Variants in NOL4 observed in about 807,000 individuals in gnomAD.
NOL4 encodes the protein cancer/testis antigen 125.
Under a neutral mutation model 75.9 loss-of-function variants are expected in NOL4, and 17 were observed. The observed-to-expected ratio is 0.22, with a 90% confidence interval of 0.15 to 0.34. The LOEUF (loss-of-function observed/expected upper bound fraction) is 0.34, where lower values mean the gene tolerates loss of function less well. Among genes scored for constraint, NOL4 ranks in the 10% least tolerant of loss-of-function variants. NOL4 has a pLI of 1.00. For synonymous variants in NOL4, 292 were observed against 289.9 expected, an observed-to-expected ratio of 1.01 and a Z score of -0.07; for missense variants, 614 against 793.5, an observed-to-expected ratio of 0.77 and a Z score of 2.72.
chr18:34,140,856 C>T (rs1213399405), intron 1 of NOL4, among the ~76,000 whole-genome samples: 3 of 151,926 alleles, frequency 2.0e-5, no homozygotes, highest in Admixed American at 1.3e-4. Context: ...CCTTCAGGAG[C>T]TCTTGTAGGG....
At chr18:34,071,420 T>TAGAC (rs1249111535) in intron 5 of NOL4, among the ~76,000 whole-genome samples, 1,875 of 116,886 alleles carry the variant, frequency 0.016, 39 homozygotes, top group African/African-American at 0.051. Context: ...TATACACAAA[T>TAGAC]AGACAGACAG....
chr18:34,003,882 C>A (rs555617999), intron 6 of NOL4, among the ~76,000 whole-genome samples: 2 of 151,994 alleles, frequency 1.3e-5, no homozygotes, highest in Non-Finnish European at 2.9e-5. Context: ...GGGGGTCAGA[C>A]GTGCCTCATT....
rs2064433939 is a variant in NOL4, at chr18:33,883,401, T to C, written c.1566A>G (p.Lys522=). 1.2e-6 allele frequency: 2 copies of C among 1,609,482 alleles called. No individual in the cohort carries two copies. Among genetic ancestry groups the C allele is most frequent in the East Asian group, 4.5e-5 (2 of 44,760 alleles). Residue 522 remains lysine, a synonymous_variant, in exon 10 of 11, where the codon AAA becomes AAG. Coordinates refer to ENST00000261592, the MANE Select transcript of NOL4 (RefSeq NM_003787.5). ...CCTGGGTCGCCTCTGGTTTACACTG[T>C]TTGTCAGCTGGAGCAGACTCATCCT... The part of the protein sequence containing the change: ...RQQDESAPAD[K]QCKPEATQAT...
At chr18:34,150,054 G>A (rs2081577205) in intron 1 of NOL4, among the ~76,000 whole-genome samples, 1 of 151,378 alleles carries the variant, frequency 6.6e-6, no homozygotes, top group Admixed American at 6.6e-5. Context: ...ACATTTCCCT[G>A]GGCCTTGGTT....
chr18:34,222,524 CTTTA>C (rs762455062), intron 1 of NOL4: 6 of 860,436 alleles, frequency 7.0e-6, no homozygotes, highest in Non-Finnish European at 8.4e-6. Context: ...TACATTCGGG[CTTTA>C]TGCCAATAAG....
At chr18:33,921,853 C>T (rs1000066416) in intron 9 of NOL4, among the ~76,000 whole-genome samples, 3 of 152,272 alleles carry the variant, frequency 2.0e-5, no homozygotes, top group South Asian at 2.1e-4. Context: ...AGCATTCATC[C>T]CCCTTCCCCT....
chr18:34,196,515 A>T (rs1374118324), intron 1 of NOL4, among the ~76,000 whole-genome samples: 1 of 152,192 alleles, frequency 6.6e-6, no homozygotes, highest in East Asian at 1.9e-4. Flanking sequence ...AGTTGACATT[A>T]CTGAGCTATT....
At chr18:34,182,490 C>T (rs1189485403) in intron 1 of NOL4, among the ~76,000 whole-genome samples, 1 of 151,534 alleles carries the variant, frequency 6.6e-6, no homozygotes, top group African/African-American at 2.4e-5. Context: ...GTGATGGTTG[C>T]ACAGCCTTGT....
chr18:34,147,988 C>A (rs2081477643), intron 1 of NOL4, among the ~76,000 whole-genome samples: 1 of 152,068 alleles, frequency 6.6e-6, no homozygotes, highest in Admixed American at 6.6e-5. Flanking sequence ...TCTAGATTTT[C>A]TAGCTTATTT....
chr18:33,856,502 A>G (rs1324525800), intron 10 of NOL4, among the ~76,000 whole-genome samples: 1 of 152,060 alleles, frequency 6.6e-6, no homozygotes, highest in South Asian at 2.1e-4. Flanking sequence ...AAATATTACC[A>G]TGAGTCCTGA....
At position 33,852,886 on chromosome 18, in the gene NOL4, G is replaced by T. The variant is rs960826327; in HGVS notation, c.1873C>A (p.Arg625=). 1.9e-5 allele frequency: 30 copies of T among 1,612,692 alleles called. No homozygotes were observed. Among genetic ancestry groups the T allele is most frequent in the Non-Finnish European group, 2.4e-5 (28 of 1,179,348 alleles). ...GYRESAAFLL[R]SADELENLIL... is the part of the protein sequence containing the mutation. ...AGATTTTCCAGTTCATCTGCAGATCGCAATAAAAATGCAGCTGATTCTCGA... is the reference window on the plus strand; with the variant it reads ...AGATTTTCCAGTTCATCTGCAGATCTCAATAAAAATGCAGCTGATTCTCGA... Residue 625 remains arginine (R), a synonymous_variant, in exon 11 of 11, where the codon CGA becomes AGA. Coordinates refer to ENST00000261592, the MANE Select transcript of NOL4 (RefSeq NM_003787.5).
At chr18:33,880,403 A>G (rs2064194205) in intron 10 of NOL4, among the ~76,000 whole-genome samples, 1 of 151,778 alleles carries the variant, frequency 6.6e-6, no homozygotes, top group South Asian at 2.1e-4. Context: ...ACCCAATTAT[A>G]AGAACACTAT....
chr18:33,967,709 T>C (rs1191173396), intron 6 of NOL4, among the ~76,000 whole-genome samples: 1 of 152,122 alleles, frequency 6.6e-6, no homozygotes, highest in East Asian at 1.9e-4. Context: ...TGAAAAAATC[T>C]TCATCATAAT....
chr18:33,888,052 C>T (rs1304579169), intron 9 of NOL4, among the ~76,000 whole-genome samples: 1 of 152,130 alleles, frequency 6.6e-6, no homozygotes, highest in African/African-American at 2.4e-5. Context: ...TAAAAGTGTT[C>T]CTATTTCTCC....
At chr18:33,936,865 A>C (rs2068092721) in intron 9 of NOL4, among the ~76,000 whole-genome samples, 1 of 152,122 alleles carries the variant, frequency 6.6e-6, no homozygotes, top group Admixed American at 6.6e-5. Flanking sequence ...GATAGGAGAT[A>C]AATCACCAAC....
chr18:34,055,918 T>G (rs2076817392), intron 5 of NOL4, among the ~76,000 whole-genome samples: 1 of 152,136 alleles, frequency 6.6e-6, no homozygotes, highest in South Asian at 2.1e-4. Flanking sequence ...ATTTTTCAAT[T>G]CAGCAATTCA....
At chr18:33,854,244 C>A (rs1000946447) in intron 10 of NOL4, among the ~76,000 whole-genome samples, 1 of 152,108 alleles carries the variant, frequency 6.6e-6, no homozygotes, top group Non-Finnish European at 1.5e-5. Flanking sequence ...CAAGACCCAA[C>A]CCCCTCCACC....
chr18:34,158,685 G>T (rs11081848), intron 1 of NOL4: 39,444 of 152,056 alleles, frequency 0.26, 5,728 homozygotes, highest in African/African-American at 0.37. Flanking sequence ...CCTATAAATA[G>T]CTATATATCC....
At chr18:34,158,308 T>C (rs1209832266) in intron 1 of NOL4, among the ~76,000 whole-genome samples, 1 of 152,026 alleles carries the variant, frequency 6.6e-6, no homozygotes, top group East Asian at 1.9e-4. Context: ...TCAGGGAGAG[T>C]CTTTTTTACT....
Sources: allele counts gnomAD v4.1 joint callset (sites outside exome capture counted in the v4.1 genomes callset), GRCh38; gene constraint gnomAD v4.1.1; transcripts MANE v1.5; gene names NCBI Gene and HGNC (gene_info 2026-07-23, HGNC 2026-07-21).